Variants in TCF4 observed in about 807,000 individuals in gnomAD.
TCF4 encodes the protein SL3-3 enhancer factor 2.
TCF4 carries 3 observed loss-of-function variants against 82.1 expected under a neutral mutation model. That is an observed-to-expected ratio of 0.04 (90% confidence interval 0.02 to 0.09). TCF4 has a LOEUF of 0.09. Ranked by LOEUF, TCF4 falls within the 10% of genes least tolerant of loss-of-function variation. The pLI, the probability that TCF4 is intolerant of heterozygous loss-of-function variation, is 1.00. For missense variants in TCF4, 518 were observed against 852.7 expected, an observed-to-expected ratio of 0.61 and a Z score of 4.89; for synonymous variants, 276 against 309.6, an observed-to-expected ratio of 0.89 and a Z score of 1.14.
At chr18:55,317,345 T>TA (rs1227093451) in intron 8 of TCF4, among the ~76,000 whole-genome samples, 3 of 151,852 alleles carry the variant, frequency 2.0e-5, no homozygotes, top group Non-Finnish European at 2.9e-5. Flanking sequence ...AAACAGCAAT[T>TA]AAAAAAAATA....
chr18:55,619,016 G>A (rs2097715044), intron 2 of TCF4, among the ~76,000 whole-genome samples: 1 of 151,958 alleles, frequency 6.6e-6, no homozygotes, highest in South Asian at 2.1e-4. Flanking sequence ...AGCAGTGCTG[G>A]ATTCATAGAA....
chr18:55,466,668 T>G (rs560817880), intron 3 of TCF4, among the ~76,000 whole-genome samples: 1 of 152,324 alleles, frequency 6.6e-6, no homozygotes, highest in East Asian at 1.9e-4. Context: ...TTATGCACTT[T>G]AAGCTAGACT....
intron 6 of TCF4, among the ~76,000 whole-genome samples, chr18:55,366,713 A>C (rs1193675494): frequency 2.6e-5 from 4 of 152,246 alleles, no homozygotes; most frequent in Admixed American, 6.5e-5. Flanking sequence ...ATTTGAGCAC[A>C]GCCAGTTTGT....
chr18:55,466,217 A>G lies in TCF4; in HGVS notation c.146-2080T>C, dbSNP rs184024668. On this transcript the variant is annotated intron_variant, in intron 3 of 19. Transcript: ENST00000354452. ...CTCCACAGTAAGAAATACCCTGTGC[A>G]GGGCACAGCAGCTCACACCTGTGAT... 1.4e-4 allele frequency among the ~76,000 whole-genome samples: 22 copies of G among 152,282 alleles called. No homozygotes were observed. In the East Asian group the frequency reaches 4.2e-3, roughly 29 times the overall value.
intron 3 of TCF4, among the ~76,000 whole-genome samples, chr18:55,473,648 G>A (rs1027112511): frequency 6.6e-6 from 1 of 152,198 alleles, no homozygotes; most frequent in Non-Finnish European, 1.5e-5. Flanking sequence ...CAGGGGTCAT[G>A]TCTTAGTTTT....
chr18:55,259,822 G>A (rs1168434271), intron 13 of TCF4, 127 bp downstream of exon 13: 1 of 809,254 alleles, frequency 1.2e-6, no homozygotes, highest in East Asian at 2.5e-5. Context: ...GTATTTGTCT[G>A]TTATAGGAAT....
intron 15 of TCF4, among the ~76,000 whole-genome samples, chr18:55,239,268 G>C (rs968228493): frequency 1.3e-5 from 2 of 152,174 alleles, no homozygotes; most frequent in African/African-American, 4.8e-5. Context: ...CTTAGACGTC[G>C]AGGGCTTGGA....
intron 3 of TCF4, among the ~76,000 whole-genome samples, chr18:55,497,968 C>T (rs1017527337): frequency 4.6e-5 from 7 of 152,180 alleles, no homozygotes; most frequent in African/African-American, 1.4e-4. Flanking sequence ...CAAAGCACTA[C>T]CCACTTGTTA....
At chr18:55,273,282 T>C (rs1013718548) in intron 10 of TCF4, among the ~76,000 whole-genome samples, 34 of 152,296 alleles carry the variant, frequency 2.2e-4, no homozygotes, top group African/African-American at 7.9e-4. Context: ...ATGAAGGCAA[T>C]GATGTTTTTA....
intron 8 of TCF4, among the ~76,000 whole-genome samples, chr18:55,310,218 G>A (rs2071868059): frequency 6.6e-6 from 1 of 152,162 alleles, no homozygotes; most frequent in African/African-American, 2.4e-5. Flanking sequence ...GAAGTGCAGG[G>A]TCTGAGAATG....
At chr18:55,475,381 C>A (rs1448354210) in intron 3 of TCF4, among the ~76,000 whole-genome samples, 1 of 152,134 alleles carries the variant, frequency 6.6e-6, no homozygotes, top group Non-Finnish European at 1.5e-5. Context: ...CCCAGGACAT[C>A]ACTTCCAGAG....
intron 3 of TCF4, among the ~76,000 whole-genome samples, chr18:55,472,042 C>T (rs566874762): frequency 2.0e-5 from 3 of 152,310 alleles, no homozygotes; most frequent in African/African-American, 4.8e-5. Flanking sequence ...CCAACTTAAA[C>T]TTCCATTAAT....
chr18:55,463,967 TGTGTGTGTGTGA>T (rs963902249), intron 4 of TCF4, 97 bp downstream of exon 4: 139 of 833,420 alleles, frequency 1.7e-4, no homozygotes, highest in South Asian at 1.0e-3. Context: ...TGTGTGTGTG[TGTGTGTGTGTGA>T]GAGAGAGAGA....
chr18:55,446,940 C>T (rs1363590183), intron 5 of TCF4, among the ~76,000 whole-genome samples: 3 of 146,802 alleles, frequency 2.0e-5, no homozygotes, highest in South Asian at 2.2e-4. Context: ...GAGCGGAGAT[C>T]GCGCCACTGC....
At chr18:55,569,238 G>T (rs1216729990) in intron 3 of TCF4, among the ~76,000 whole-genome samples, 2 of 151,070 alleles carry the variant, frequency 1.3e-5, no homozygotes, top group African/African-American at 4.8e-5. Flanking sequence ...CCAAGTATTG[G>T]GGTTTGAAAG....
intron 5 of TCF4, among the ~76,000 whole-genome samples, chr18:55,445,710 A>G (rs1410708828): frequency 6.6e-6 from 1 of 152,174 alleles, no homozygotes; most frequent in Admixed American, 6.5e-5. Context: ...TCTCATAGTC[A>G]TCTCACAGAA....
At chr18:55,547,823 G>A (rs17089892) in intron 3 of TCF4, among the ~76,000 whole-genome samples, 6,632 of 152,154 alleles carry the variant, frequency 0.044, 422 homozygotes, top group African/African-American at 0.14. Flanking sequence ...TGCCATTTTC[G>A]CAGTGATTCT....
intron 3 of TCF4, among the ~76,000 whole-genome samples, chr18:55,525,618 A>C (rs1432196664): frequency 6.6e-6 from 1 of 152,204 alleles, no homozygotes; most frequent in Non-Finnish European, 1.5e-5. Context: ...CACAAGAGGC[A>C]AAAGAGGTCC....
intron 8 of TCF4, among the ~76,000 whole-genome samples, chr18:55,311,447 G>A (rs147304163): frequency 0.021 from 3,273 of 152,240 alleles, 59 homozygotes; most frequent in Non-Finnish European, 0.034. Context: ...AATCAAAAGC[G>A]TTTCCAGATA....
Sources: allele counts gnomAD v4.1 joint callset (sites outside exome capture counted in the v4.1 genomes callset), GRCh38; gene constraint gnomAD v4.1.1; transcripts MANE v1.5; gene names NCBI Gene and HGNC (gene_info 2026-07-23, HGNC 2026-07-21).